The following BCL11A variants were observed in gnomAD, a reference collection of about 807,000 sequenced individuals.
The protein encoded by BCL11A is B cell CLL/lymphoma 11A.
BCL11A carries 2 observed loss-of-function variants against 55.9 expected under a neutral mutation model. The ratio of observed to expected loss-of-function variants is 0.04; its 90% CI spans 0.01 to 0.11. The LOEUF is 0.11. Ranked by LOEUF, BCL11A falls within the 10% of genes least tolerant of loss-of-function variation. The pLI is 1.00. For missense variants in BCL11A, 817 were observed against 1,137.1 expected, an observed-to-expected ratio of 0.72 and a Z score of 4.05; for synonymous variants, 465 against 473.4, an observed-to-expected ratio of 0.98 and a Z score of 0.23.
At chr2:60,507,214 GGAAGGAAGGAAGGAA>G (rs1558652526) in intron 2 of BCL11A, among the ~76,000 whole-genome samples, 38 of 62,298 alleles carry the variant, frequency 6.1e-4, no homozygotes, top group African/African-American at 2.6e-3. Context: ...AAGAAAGGAA[GGAAGGAAGGAAGGAA>G]GGAAGGGAGG....
intron 2 of BCL11A, among the ~76,000 whole-genome samples, chr2:60,475,490 T>A (rs1024744997): frequency 3.3e-5 from 5 of 152,212 alleles, no homozygotes; most frequent in Admixed American, 3.3e-4. Context: ...GCTTAAATAA[T>A]CTATTTCAGA....
chr2:60,489,921 G>C lies in BCL11A; in HGVS notation c.386-21088C>G, dbSNP rs113143940. 4.2e-4 allele frequency among the ~76,000 whole-genome samples: 64 copies of C among 152,276 alleles called. 1 individual carries two copies. Among genetic ancestry groups the C allele is most frequent in the Middle Eastern group, 3.4e-3 (1 of 294 alleles). On this transcript the variant is annotated intron_variant, in intron 2 of 3. Coordinates refer to ENST00000642384, the MANE Select transcript of BCL11A (RefSeq NM_022893.4). ...TCATCAAAATGATAAATGCTATCAT[G>C]AAACACCATCCATGCCCTGAGTATC...
chr2:60,453,172 G>A (rs899783785), downstream of BCL11A: 1 of 152,284 alleles, frequency 6.6e-6, no homozygotes, highest in Non-Finnish European at 1.5e-5. Flanking sequence ...TTTACAAGAG[G>A]CGAACAAATC....
intron 2 of BCL11A, among the ~76,000 whole-genome samples, chr2:60,486,630 C>G (rs1678295796): frequency 6.6e-6 from 1 of 152,222 alleles, no homozygotes; most frequent in Non-Finnish European, 1.5e-5. Flanking sequence ...AAATGAGCAG[C>G]ATGATGGATT....
At chr2:60,551,771 G>A (rs1670422678) in intron 1 of BCL11A, among the ~76,000 whole-genome samples, 1 of 151,022 alleles carries the variant, frequency 6.6e-6, no homozygotes, top group Non-Finnish European at 1.5e-5. Context: ...GTGCCTGGCG[G>A]GTGGGCGCCG....
chr2:60,520,906 A>T (rs570036681), intron 2 of BCL11A, among the ~76,000 whole-genome samples: 84 of 152,228 alleles, frequency 5.5e-4, no homozygotes, highest in African/African-American at 2.0e-3. Flanking sequence ...AAAGATATTG[A>T]TGTGCCAACA....
At chr2:60,485,898 T>A (rs997038778) in intron 2 of BCL11A, among the ~76,000 whole-genome samples, 2 of 152,212 alleles carry the variant, frequency 1.3e-5, no homozygotes, top group African/African-American at 4.8e-5. Flanking sequence ...CATTGCTGCA[T>A]CTGATTCTCA....
chr2:60,527,031 T>C (rs1558482724), intron 2 of BCL11A: 1 of 152,266 alleles, frequency 6.6e-6, no homozygotes, highest in African/African-American at 2.4e-5. Flanking sequence ...TCCCCGGTTA[T>C]GGCTTTGCTA....
chr2:60,514,927 C>T (rs1222370898), intron 2 of BCL11A, among the ~76,000 whole-genome samples: 2 of 150,650 alleles, frequency 1.3e-5, no homozygotes, highest in Non-Finnish European at 3.0e-5. Flanking sequence ...ACCTTTTAAA[C>T]TCATCCAAGA....
At chr2:60,464,760 CATTTT>C (rs1676506209) in intron 3 of BCL11A, among the ~76,000 whole-genome samples, 2 of 152,094 alleles carry the variant, frequency 1.3e-5, no homozygotes, top group Admixed American at 6.5e-5. Context: ...GAGAAAAGTC[CATTTT>C]ATTTTGCTGC....
At chr2:60,493,117 A>C (rs1053243784) in intron 2 of BCL11A, among the ~76,000 whole-genome samples, 1 of 152,172 alleles carries the variant, frequency 6.6e-6, no homozygotes, top group Non-Finnish European at 1.5e-5. Context: ...TCTTCCACAG[A>C]GCAGAATGAT....
chr2:60,493,424 C>CA (rs1186255233), intron 2 of BCL11A, among the ~76,000 whole-genome samples: 1 of 152,182 alleles, frequency 6.6e-6, no homozygotes, highest in Non-Finnish European at 1.5e-5. Context: ...CCTCCCACCC[C>CA]ATTCCCTGGA....
At chr2:60,482,226 T>C (rs530343104) in intron 2 of BCL11A, among the ~76,000 whole-genome samples, 2 of 152,006 alleles carry the variant, frequency 1.3e-5, no homozygotes, top group Non-Finnish European at 2.9e-5. Context: ...GTGGTTTCTC[T>C]TCCTCCATTA....
In BCL11A at chr2:60,462,336, A is replaced by C. The variant is rs1676365993; in HGVS notation, c.576T>G (p.Thr192=). The change falls in exon 4 of 4, where the codon ACT becomes ACG. Residue 192 remains threonine (T), a synonymous_variant. Coordinates refer to ENST00000642384, the MANE Select transcript of BCL11A (RefSeq NM_022893.4). ...AWFLLQHAQN[T]HGLRIYLESE... Reference sequence around the variant, plus strand: ...TTTCTAAGTAGATTCTTAATCCATGAGTGTTCTGTGCGTGTTGCAAGAGAA... The same window carrying C: ...TTTCTAAGTAGATTCTTAATCCATGCGTGTTCTGTGCGTGTTGCAAGAGAA... The C allele has an allele frequency of 6.2e-7, 1 of 1,613,920 alleles. No homozygotes were observed. The highest frequency in any genetic ancestry group is 2.2e-5 in the East Asian group (1 of 44,880).
chr2:60,503,063 G>A (rs980528604), intron 2 of BCL11A, among the ~76,000 whole-genome samples: 4 of 152,196 alleles, frequency 2.6e-5, no homozygotes, highest in Non-Finnish European at 5.9e-5. Context: ...TAATACACAC[G>A]GAATGTGTTG....
At chr2:60,530,616 TA>T (rs1415270707) in intron 2 of BCL11A, among the ~76,000 whole-genome samples, 20 of 151,730 alleles carry the variant, frequency 1.3e-4, no homozygotes, top group Admixed American at 7.9e-4. Context: ...TTTTATTTTT[TA>T]TTTTTTTGCC....
At chr2:60,551,911 G>A (rs926476388) in intron 1 of BCL11A, among the ~76,000 whole-genome samples, 5 of 151,944 alleles carry the variant, frequency 3.3e-5, no homozygotes, top group African/African-American at 1.2e-4. Context: ...TCTGTTTGTT[G>A]GCAGGAGGCT....
At chr2:60,512,006 G>A (rs535502455) in intron 2 of BCL11A, among the ~76,000 whole-genome samples, 14 of 152,248 alleles carry the variant, frequency 9.2e-5, no homozygotes, top group East Asian at 1.9e-4. Context: ...ATACTTGCTC[G>A]GCCAAAGACA....
intron 2 of BCL11A, among the ~76,000 whole-genome samples, chr2:60,489,858 G>C (rs191010204): frequency 6.6e-6 from 1 of 152,038 alleles, no homozygotes; most frequent in Non-Finnish European, 1.5e-5. Context: ...GAGATCACAG[G>C]GATATGAATT....
Sources: gnomAD v4.1 joint callset for allele counts (sites outside exome capture counted in the v4.1 genomes callset) on GRCh38, gnomAD v4.1.1 for gene constraint, MANE v1.5 for transcripts, NCBI Gene and HGNC (gene_info 2026-07-23, HGNC 2026-07-21) for gene names.